The following CCSER1 variants were observed in gnomAD, a reference collection of about 807,000 sequenced individuals.
The protein encoded by CCSER1 is serine-rich coiled-coil domain-containing protein 1.
Under a neutral mutation model 82.0 loss-of-function variants are expected in CCSER1, and 41 were observed. The observed-to-expected ratio is 0.50, with a 90% CI of 0.39 to 0.65. The LOEUF is 0.65. CCSER1 is among the 30% of genes least tolerant of loss of function. CCSER1 has a pLI of 0.00. For synonymous variants in CCSER1, 414 were observed against 383.9 expected (o/e 1.08, Z -0.92); for missense variants, 1,119 against 1,064.2 (o/e 1.05, Z -0.72).
At chr4:91,180,749 C>T (rs1733941070) in intron 10 of CCSER1, among the ~76,000 whole-genome samples, 2 of 152,158 alleles carry the variant, frequency 1.3e-5, no homozygotes, top group Admixed American at 1.3e-4. Flanking sequence ...GACACACACA[C>T]AGAAATATAG....
intron 5 of CCSER1, among the ~76,000 whole-genome samples, chr4:90,546,601 A>G (rs1310287672): frequency 6.6e-6 from 1 of 152,142 alleles, no homozygotes; most frequent in Non-Finnish European, 1.5e-5. Flanking sequence ...AATAATTTCA[A>G]TTCCTTATTT....
At chr4:90,386,515 A>G (rs1168171163) in intron 3 of CCSER1, among the ~76,000 whole-genome samples, 1 of 152,116 alleles carries the variant, frequency 6.6e-6, no homozygotes, top group Non-Finnish European at 1.5e-5. Context: ...ATTAAAGACA[A>G]ATATATGACC....
At chr4:91,360,567 A>T (rs116208549) in intron 10 of CCSER1, among the ~76,000 whole-genome samples, 1 of 151,730 alleles carries the variant, frequency 6.6e-6, no homozygotes, top group African/African-American at 2.4e-5. Context: ...CTCTTCCCCA[A>T]TCCCAGATCC....
chr4:91,289,306 C>A (rs1009756203), intron 10 of CCSER1, among the ~76,000 whole-genome samples: 1 of 151,924 alleles, frequency 6.6e-6, no homozygotes, highest in African/African-American at 2.4e-5. Context: ...CTGCTTTCCA[C>A]AGAATTTCTG....
intron 5 of CCSER1, among the ~76,000 whole-genome samples, chr4:90,582,548 G>A (rs1781521327): frequency 6.6e-6 from 1 of 152,140 alleles, no homozygotes; most frequent in African/African-American, 2.4e-5. Context: ...CTAAATACAT[G>A]TTAAAATAAT....
chr4:90,708,196 A>G (rs1255578138), intron 6 of CCSER1, among the ~76,000 whole-genome samples: 1 of 152,198 alleles, frequency 6.6e-6, no homozygotes, highest in Admixed American at 6.6e-5. Flanking sequence ...AAGACTATAT[A>G]AAAATAGCGT....
At chr4:90,698,975 C>T (rs1737507537) in intron 6 of CCSER1, among the ~76,000 whole-genome samples, 1 of 151,970 alleles carries the variant, frequency 6.6e-6, no homozygotes. Context: ...GTGGTGTGCA[C>T]CTGTAGTCCC....
intron 10 of CCSER1, among the ~76,000 whole-genome samples, chr4:91,430,869 T>G (rs1458986679): frequency 2.6e-5 from 4 of 152,220 alleles, no homozygotes; most frequent in African/African-American, 7.2e-5. Context: ...ATGGAAATCC[T>G]CTAGCGTTTT....
intron 10 of CCSER1, among the ~76,000 whole-genome samples, chr4:91,520,764 T>C (rs1253627030): frequency 6.6e-6 from 1 of 152,198 alleles, no homozygotes; most frequent in Non-Finnish European, 1.5e-5. Flanking sequence ...AATATCCTAA[T>C]TTGTACTTTT....
chr4:90,158,996 C>T (rs747501441), intron 1 of CCSER1, among the ~76,000 whole-genome samples: 8 of 152,194 alleles, frequency 5.3e-5, no homozygotes, highest in East Asian at 3.9e-4. Context: ...TGTAGACCGG[C>T]GCTGTTCCTA....
chr4:90,492,577 C>T (rs1289524647), intron 5 of CCSER1, among the ~76,000 whole-genome samples: 2 of 152,112 alleles, frequency 1.3e-5, no homozygotes, highest in South Asian at 2.1e-4. Context: ...AATGTGTTTA[C>T]TCTTGCTTCT....
At chr4:90,190,485 A>G (rs1017554975) in intron 1 of CCSER1, among the ~76,000 whole-genome samples, 9 of 152,116 alleles carry the variant, frequency 5.9e-5, no homozygotes, top group Non-Finnish European at 1.5e-5. Flanking sequence ...CTTACACTAA[A>G]GGACAAAGCA....
intron 4 of CCSER1, among the ~76,000 whole-genome samples, chr4:90,405,548 C>T (rs182869654): frequency 1.3e-4 from 20 of 152,168 alleles, no homozygotes; most frequent in East Asian, 9.7e-4. Flanking sequence ...TCATGACCTA[C>T]GCACACAGTC....
chr4:91,060,074 A>G (rs1743827838), intron 9 of CCSER1, among the ~76,000 whole-genome samples: 1 of 152,082 alleles, frequency 6.6e-6, no homozygotes, highest in Non-Finnish European at 1.5e-5. Context: ...TGTTGGGATC[A>G]GTATCTGATT....
rs546736870 is a variant in CCSER1, at chr4:91,225,760, T to A, written c.2217+139766T>A. The stretch of plus-strand genomic sequence containing the variant: ...CTCAGAGTTTGGTTTAAATCCTGAT[T>A]TTGATGGTTTCAATCTGTGCGACAT... On this transcript the variant is annotated intron_variant, in intron 10 of 10. Coordinates refer to ENST00000509176, the MANE Select transcript of CCSER1 (RefSeq NM_001145065.2). 2.0e-5 allele frequency among the ~76,000 whole-genome samples: 3 copies of A among 151,908 alleles called. No individual in the cohort carries two copies. The South Asian group carries it at 6.2e-4, about 32-fold the overall frequency.
intron 6 of CCSER1, among the ~76,000 whole-genome samples, chr4:90,637,280 C>T (rs1280256391): frequency 6.6e-6 from 1 of 152,114 alleles, no homozygotes; most frequent in Non-Finnish European, 1.5e-5. Flanking sequence ...AGTTCCTTAC[C>T]ATGTAGCCTT....
At chr4:90,808,771 G>A (rs1757852960) in intron 7 of CCSER1, among the ~76,000 whole-genome samples, 1 of 152,126 alleles carries the variant, frequency 6.6e-6, no homozygotes, top group South Asian at 2.1e-4. Context: ...GGTGAAAATG[G>A]AATACTTATG....
chr4:90,693,194 A>C lies in CCSER1; in HGVS notation c.1933-30720A>C, dbSNP rs181853690. Among the ~76,000 whole-genome samples the C allele has an allele frequency of 2.0e-5, 3 of 152,064 alleles. No homozygotes were observed. In the East Asian group the frequency reaches 5.8e-4, roughly 29 times the overall value. On this transcript the variant is annotated intron_variant, in intron 6 of 10. Transcript: ENST00000509176. ...CTTGTTAAGTGGCAGTTATTGTTCT[A>C]ATAGAAGGCCTTTTACGTATATGTA...
chr4:90,509,591 T>C (rs1397059992), intron 5 of CCSER1, among the ~76,000 whole-genome samples: 1 of 152,136 alleles, frequency 6.6e-6, no homozygotes, highest in South Asian at 2.1e-4. Flanking sequence ...ACCCTTGACT[T>C]AGAACAATTT....
Sources: gnomAD v4.1 joint callset for allele counts (sites outside exome capture counted in the v4.1 genomes callset) on GRCh38, gnomAD v4.1.1 for gene constraint, MANE v1.5 for transcripts, NCBI Gene and HGNC (gene_info 2026-07-23, HGNC 2026-07-21) for gene names.